Variants in PALM2AKAP2 observed in about 807,000 individuals in gnomAD.
PALM2AKAP2 encodes PALM2 and AKAP2 fusion, also known as PALM2-AKAP2 fusion protein.
In PALM2AKAP2, 37 loss-of-function variants were observed where a neutral mutation model predicts 71.5. The observed-to-expected ratio is 0.52, with a 90% CI of 0.40 to 0.68. The LOEUF (loss-of-function observed/expected upper bound fraction) is 0.68, where lower values mean the gene tolerates loss of function less well. Among genes scored for constraint, PALM2AKAP2 ranks in the 30% least tolerant of loss-of-function variants. PALM2AKAP2 has a pLI of 0.00. For missense variants in PALM2AKAP2, 1,224 were observed against 1,191.8 expected, an observed-to-expected ratio of 1.03 and a Z score of -0.40; for synonymous variants, 468 against 478.8, an observed-to-expected ratio of 0.98 and a Z score of 0.29.
intron 6 of PALM2AKAP2, among the ~76,000 whole-genome samples, chr9:109,997,606 C>G (rs1382033210): frequency 1.3e-5 from 2 of 152,214 alleles, no homozygotes; most frequent in East Asian, 1.9e-4. Flanking sequence ...TTTCCAATAA[C>G]CTATGGTGAG....
intron 3 of PALM2AKAP2, among the ~76,000 whole-genome samples, chr9:109,919,765 G>A (rs7872338): frequency 0.19 from 29,257 of 150,584 alleles, 3,111 homozygotes; most frequent in East Asian, 0.37. Flanking sequence ...GTGTGTGTGT[G>A]TATATATGTA....
At chr9:109,669,915 CTTTTT>C (rs896276666) in intron 1 of PALM2AKAP2, among the ~76,000 whole-genome samples, 27 of 151,028 alleles carry the variant, frequency 1.8e-4, no homozygotes, top group African/African-American at 6.3e-4. Flanking sequence ...CATTTTCATT[CTTTTT>C]TTTATTTTTC....
At chr9:109,724,785 C>T (rs1272436458) in intron 1 of PALM2AKAP2, among the ~76,000 whole-genome samples, 1 of 152,150 alleles carries the variant, frequency 6.6e-6, no homozygotes, top group East Asian at 1.9e-4. Flanking sequence ...TCCAGGCTGT[C>T]TGACTCAAAA....
intron 6 of PALM2AKAP2, 105 bp downstream of exon 6, chr9:109,932,133 T>A (rs753777643): frequency 3.9e-5 from 48 of 1,219,708 alleles, no homozygotes; most frequent in Non-Finnish European, 5.0e-5. Context: ...TAGGGGGAGC[T>A]CACCTTCAGC....
At chr9:110,006,758 A>G (rs907220048) in intron 6 of PALM2AKAP2, among the ~76,000 whole-genome samples, 1 of 152,174 alleles carries the variant, frequency 6.6e-6, no homozygotes, top group Non-Finnish European at 1.5e-5. Flanking sequence ...TCCAATCTAC[A>G]TGTGCATCCT....
chr9:110,069,754 G>A (rs1834164684), intron 1 of PALM2AKAP2, among the ~76,000 whole-genome samples: 1 of 152,160 alleles, frequency 6.6e-6, no homozygotes, highest in African/African-American at 2.4e-5. Context: ...GTGTCTTTGG[G>A]GTACAAGTGA....
chr9:109,668,225 C>T (rs558356808), intron 1 of PALM2AKAP2, among the ~76,000 whole-genome samples: 2 of 20,672 alleles, frequency 9.7e-5, no homozygotes, highest in South Asian at 7.0e-4. Flanking sequence ...CGTGAGCCAC[C>T]GCGCCCGGCC....
chr9:109,649,787 T>A (rs973174901), intron 1 of PALM2AKAP2, among the ~76,000 whole-genome samples: 1 of 152,198 alleles, frequency 6.6e-6, no homozygotes, highest in Non-Finnish European at 1.5e-5. Context: ...AGCTTTGGAT[T>A]GGATATTTTG....
At chr9:109,872,913 C>T (rs1829637532) in intron 2 of PALM2AKAP2, among the ~76,000 whole-genome samples, 1 of 152,222 alleles carries the variant, frequency 6.6e-6, no homozygotes, top group Non-Finnish European at 1.5e-5. Context: ...CCCTTGTTTC[C>T]ATACCCAGAG....
At chr9:109,753,032 C>A (rs1828907392) in intron 1 of PALM2AKAP2, among the ~76,000 whole-genome samples, 1 of 152,130 alleles carries the variant, frequency 6.6e-6, no homozygotes, top group Admixed American at 6.6e-5. Context: ...CCATTTCAAT[C>A]CTGGTCATAG....
chr9:110,106,424 G>T (rs1365628692), intron 1 of PALM2AKAP2, among the ~76,000 whole-genome samples: 1 of 152,220 alleles, frequency 6.6e-6, no homozygotes, highest in Non-Finnish European at 1.5e-5. Context: ...GCCTAGAGGG[G>T]AAGGGCCATA....
chr9:110,012,159 G>A (rs768062088), intron 6 of PALM2AKAP2, among the ~76,000 whole-genome samples: 62 of 152,182 alleles, frequency 4.1e-4, no homozygotes, highest in Middle Eastern at 3.4e-3. Context: ...CGGGCATGGT[G>A]GCGGGTGCCT....
At chr9:110,090,292 G>A (rs1251843785) in intron 1 of PALM2AKAP2, 6 of 454,138 alleles carry the variant, frequency 1.3e-5, no homozygotes, top group East Asian at 7.0e-5. Flanking sequence ...TCCTTACATC[G>A]GATGTCCTAC....
chr9:110,168,473 C>A, exon 4 of PALM2AKAP2: 1 of 1,614,130 alleles, frequency 6.2e-7, no homozygotes, highest in Non-Finnish European at 8.5e-7. Flanking sequence ...TCTATGCCAA[C>A]CAGGAGGAAG....
At chr9:110,125,376 C>T (rs1034934917) in intron 1 of PALM2AKAP2, 8 of 484,662 alleles carry the variant, frequency 1.7e-5, no homozygotes, top group Non-Finnish European at 2.1e-5. Flanking sequence ...CCTCCAGCTC[C>T]GGCCAGCCAG....
intron 1 of PALM2AKAP2, among the ~76,000 whole-genome samples, chr9:109,865,333 G>C (rs971557723): frequency 1.3e-5 from 2 of 151,810 alleles, no homozygotes; most frequent in Admixed American, 6.6e-5. Flanking sequence ...TCGTGACCTC[G>C]GGTGATCCAC....
chr9:110,093,139 C>G (rs1042443848), intron 1 of PALM2AKAP2, among the ~76,000 whole-genome samples: 1 of 152,174 alleles, frequency 6.6e-6, no homozygotes, highest in African/African-American at 2.4e-5. Context: ...GACGTTCAGG[C>G]CATGTAGCCA....
At chr9:109,847,927 T>C (rs943549103) in intron 1 of PALM2AKAP2, among the ~76,000 whole-genome samples, 48 of 152,190 alleles carry the variant, frequency 3.2e-4, no homozygotes, top group African/African-American at 1.1e-3. Flanking sequence ...GTCCACCTTT[T>C]ACAGAAAAAT....
At chr9:109,727,266 A>T (rs150948060) in intron 1 of PALM2AKAP2, among the ~76,000 whole-genome samples, 1 of 152,200 alleles carries the variant, frequency 6.6e-6, no homozygotes, top group African/African-American at 2.4e-5. Context: ...TGCCCCACCA[A>T]CTTTACAGGA....
Sources: allele counts gnomAD v4.1 joint callset (sites outside exome capture counted in the v4.1 genomes callset), GRCh38; gene constraint gnomAD v4.1.1; transcripts MANE v1.5; gene names NCBI Gene and HGNC (gene_info 2026-07-23, HGNC 2026-07-21).